SPATS2L: variants seen among roughly 807,000 people sequenced by gnomAD.
The protein encoded by SPATS2L is spermatogenesis associated serine rich 2 like.
SPATS2L carries 30 observed loss-of-function variants against 59.6 expected under a neutral mutation model. The observed-to-expected ratio is 0.50, with a 90% CI of 0.38 to 0.68. The LOEUF (loss-of-function observed/expected upper bound fraction) is 0.68. Among genes scored for constraint, SPATS2L ranks in the 30% least tolerant of loss-of-function variants. The probability of loss-of-function intolerance (pLI) is 0.00; values close to 1 mark genes in which losing one functional copy is unlikely to be tolerated. For missense variants in SPATS2L, 615 were observed against 700.0 expected (o/e 0.88, Z 1.37); for synonymous variants, 252 against 263.5 (o/e 0.96, Z 0.42).
At chr2:200,419,125 C>T in intron 5 of SPATS2L, 125 bp from the exon 6 acceptor site, 1 of 847,678 alleles carries the variant, frequency 1.2e-6, no homozygotes, top group Non-Finnish European at 1.8e-6. Flanking sequence ...AAATATTCTT[C>T]ATCCAGTCTA....
chr2:200,311,669 A>C (rs990638325), intron 1 of SPATS2L, among the ~76,000 whole-genome samples: 1 of 152,210 alleles, frequency 6.6e-6, no homozygotes, highest in African/African-American at 2.4e-5. Context: ...GGAAGAGTCT[A>C]CCACATCCCA....
intron 2 of SPATS2L, among the ~76,000 whole-genome samples, chr2:200,388,461 A>G (rs571343228): frequency 3.9e-5 from 6 of 152,114 alleles, no homozygotes; most frequent in Admixed American, 6.6e-5. Flanking sequence ...AGTTCCACCT[A>G]CTTGGGAGGC....
chr2:200,453,008 G>A (rs996914796), intron 8 of SPATS2L, among the ~76,000 whole-genome samples: 1 of 152,288 alleles, frequency 6.6e-6, no homozygotes, highest in South Asian at 2.1e-4. Context: ...TTCCAGCAGT[G>A]TAACAATAAA....
At chr2:200,335,270 T>C (rs1158975547) in intron 2 of SPATS2L, among the ~76,000 whole-genome samples, 1 of 151,696 alleles carries the variant, frequency 6.6e-6, no homozygotes, top group African/African-American at 2.4e-5. Flanking sequence ...ACCAAGACAG[T>C]GCTTACCTGA....
At chr2:200,370,484 T>C (rs1467170699) in intron 2 of SPATS2L, among the ~76,000 whole-genome samples, 2 of 152,174 alleles carry the variant, frequency 1.3e-5, no homozygotes, top group African/African-American at 4.8e-5. Flanking sequence ...TGCCAAAGAA[T>C]GGGTCAGTGT....
chr2:200,473,192 C>T, intron 12 of SPATS2L, 140 bp downstream of exon 12: 1 of 780,368 alleles, frequency 1.3e-6, no homozygotes. Context: ...CCACTCCCCA[C>T]CCAGCAGCAC....
intron 12 of SPATS2L, among the ~76,000 whole-genome samples, chr2:200,473,670 G>T (rs368058710): frequency 1.5e-4 from 23 of 152,128 alleles, no homozygotes; most frequent in African/African-American, 2.4e-4. Flanking sequence ...ATATCTTTTG[G>T]AGGTGATTTC....
chr2:200,326,457 G>A (rs114310543), intron 1 of SPATS2L, among the ~76,000 whole-genome samples: 1 of 152,090 alleles, frequency 6.6e-6, no homozygotes, highest in Non-Finnish European at 1.5e-5. Flanking sequence ...AATTTCAATC[G>A]TTTTTCTCTC....
chr2:200,356,630 T>C (rs1444479076), intron 2 of SPATS2L, among the ~76,000 whole-genome samples: 1 of 152,232 alleles, frequency 6.6e-6, no homozygotes, highest in Non-Finnish European at 1.5e-5. Context: ...ATGAGCAATA[T>C]AACTTATCAA....
At chr2:200,452,948 T>A (rs1313844769) in intron 8 of SPATS2L, among the ~76,000 whole-genome samples, 1 of 152,114 alleles carries the variant, frequency 6.6e-6, no homozygotes, top group Non-Finnish European at 1.5e-5. Context: ...CAGGTTGTTA[T>A]AAAACCTAAA....
At chr2:200,334,808 C>T (rs1026389692) in intron 2 of SPATS2L, among the ~76,000 whole-genome samples, 14 of 151,732 alleles carry the variant, frequency 9.2e-5, no homozygotes, top group African/African-American at 2.4e-4. Context: ...GGTTTGTCAA[C>T]GATCAGATAG....
At chr2:200,448,253 C>G (rs1343549195) in intron 8 of SPATS2L, among the ~76,000 whole-genome samples, 1 of 152,090 alleles carries the variant, frequency 6.6e-6, no homozygotes, top group Admixed American at 6.5e-5. Context: ...ACCAGCCTGG[C>G]CAACATGGCT....
intron 3 of SPATS2L, among the ~76,000 whole-genome samples, chr2:200,402,188 A>G (rs1208256913): frequency 6.6e-6 from 1 of 152,220 alleles, no homozygotes; most frequent in African/African-American, 2.4e-5. Flanking sequence ...ATCTCCTCCA[A>G]CACATTCACA....
In SPATS2L at chr2:200,306,921, A is replaced by T; in HGVS notation, c.-74A>T. 1.0e-6 allele frequency: 1 copy of T among 980,466 alleles called. No homozygotes were observed. The highest frequency in any genetic ancestry group is 1.2e-6 in the Non-Finnish European group (1 of 828,142). 60.7% of individuals were successfully genotyped at this position (980,466 alleles called of 1,614,324 possible). A position where few individuals can be genotyped will look rare whatever the true frequency, so the allele number is the denominator to read the frequency against. On this transcript the variant is annotated splice_region_variant and 5_prime_UTR_variant, in exon 1 of 13. Coordinates refer to ENST00000409140, the MANE Select transcript of SPATS2L (RefSeq NM_001100423.2). ...ACGGAGGAGCCGGCGCTCGACACAG[A>T]GGTAAGCCCAGGACCCCCTCCACGC...
At chr2:200,416,217 A>G (rs144458949) in intron 4 of SPATS2L, among the ~76,000 whole-genome samples, 162 bp from the exon 5 acceptor site, 2 of 152,126 alleles carry the variant, frequency 1.3e-5, no homozygotes, top group African/African-American at 4.8e-5. Context: ...CTGGGAAATA[A>G]AAAATGAAAC....
intron 1 of SPATS2L, among the ~76,000 whole-genome samples, chr2:200,321,933 G>A (rs1286268787): frequency 1.3e-5 from 2 of 152,216 alleles, no homozygotes; most frequent in Non-Finnish European, 2.9e-5. Context: ...TAGAGATGGT[G>A]TTTGAAGCCA....
At chr2:200,379,542 G>A (rs1389380287) in intron 2 of SPATS2L, among the ~76,000 whole-genome samples, 3 of 152,130 alleles carry the variant, frequency 2.0e-5, no homozygotes, top group Non-Finnish European at 4.4e-5. Flanking sequence ...CTAAAGAGAT[G>A]GGGGAAGGAA....
At chr2:200,362,366 TCTCC>T (rs1047214927) in intron 2 of SPATS2L, among the ~76,000 whole-genome samples, 1 of 152,212 alleles carries the variant, frequency 6.6e-6, no homozygotes, top group African/African-American at 2.4e-5. Flanking sequence ...AAAGTCTGTT[TCTCC>T]CTCATGTCAC....
chr2:200,358,851 G>A (rs2081004407), intron 2 of SPATS2L, among the ~76,000 whole-genome samples: 1 of 152,078 alleles, frequency 6.6e-6, no homozygotes, highest in African/African-American at 2.4e-5. Flanking sequence ...AGCCAGGCGT[G>A]GCAGTGCACA....
Sources: allele counts gnomAD v4.1 joint callset (sites outside exome capture counted in the v4.1 genomes callset), GRCh38; gene constraint gnomAD v4.1.1; transcripts MANE v1.5; gene names NCBI Gene and HGNC (gene_info 2026-07-23, HGNC 2026-07-21).